MYO1E: variants seen among roughly 807,000 people sequenced by gnomAD.
MYO1E encodes the protein myosin IE.
MYO1E carries 68 observed loss-of-function variants against 151.1 expected under a neutral mutation model. That is an observed-to-expected ratio of 0.45 (90% CI 0.37 to 0.55). The LOEUF (loss-of-function observed/expected upper bound fraction) is 0.55, where lower values mean the gene tolerates loss of function less well. Ranked by LOEUF, MYO1E falls within the 20% of genes least tolerant of loss-of-function variation. The pLI is 0.00. For synonymous variants in MYO1E, 601 were observed against 501.7 expected, an observed-to-expected ratio of 1.20 and a Z score of -2.64; for missense variants, 1,363 against 1,389.3, an observed-to-expected ratio of 0.98 and a Z score of 0.30.
intron 26 of MYO1E, among the ~76,000 whole-genome samples, chr15:59,144,715 T>A (rs1247794766): frequency 6.6e-6 from 1 of 152,214 alleles, no homozygotes; most frequent in Non-Finnish European, 1.5e-5. Context: ...ACTGGAGACC[T>A]GGAAGCCACC....
intron 1 of MYO1E, among the ~76,000 whole-genome samples, chr15:59,306,022 A>G (rs1266540301): frequency 1.3e-5 from 2 of 152,330 alleles, no homozygotes; most frequent in South Asian, 4.1e-4. Context: ...AAATAAACAC[A>G]TGCCACAGTA....
At chr15:59,225,714 T>C in intron 7 of MYO1E, among the ~76,000 whole-genome samples, 1 of 151,264 alleles carries the variant, frequency 6.6e-6, no homozygotes, top group East Asian at 1.9e-4. Flanking sequence ...TGGTGCGATC[T>C]CCGCTCCCTG....
At chr15:59,292,918 G>A (rs1406531247) in intron 1 of MYO1E, among the ~76,000 whole-genome samples, 1 of 152,134 alleles carries the variant, frequency 6.6e-6, no homozygotes, top group Non-Finnish European at 1.5e-5. Context: ...TATCCCATAG[G>A]ATTTGAGGTG....
intron 2 of MYO1E, among the ~76,000 whole-genome samples, chr15:59,263,729 C>T (rs1161283152): frequency 6.6e-6 from 1 of 152,054 alleles, no homozygotes; most frequent in Non-Finnish European, 1.5e-5. Context: ...TTCAGCAGTG[C>T]CCAGTTCTGG....
At chr15:59,181,735 C>T (rs1294278615) in intron 18 of MYO1E, among the ~76,000 whole-genome samples, 2 of 152,300 alleles carry the variant, frequency 1.3e-5, no homozygotes, top group East Asian at 3.9e-4. Context: ...AGCCATGGCT[C>T]TGTTTAGGCC....
intron 6 of MYO1E, among the ~76,000 whole-genome samples, chr15:59,229,982 T>G (rs1478406922): frequency 6.6e-6 from 1 of 152,198 alleles, no homozygotes; most frequent in Non-Finnish European, 1.5e-5. Flanking sequence ...GCAGGAAGCT[T>G]ATGTAATTTA....
At chr15:59,163,012 T>C (rs1192492669) in intron 23 of MYO1E, 145 bp downstream of exon 23, 2 of 860,696 alleles carry the variant, frequency 2.3e-6, no homozygotes. Context: ...GACTGTCTTC[T>C]GCAGGCTCTA....
intron 9 of MYO1E, among the ~76,000 whole-genome samples, chr15:59,221,995 C>T (rs1445874414): frequency 1.3e-5 from 2 of 152,252 alleles, no homozygotes; most frequent in African/African-American, 2.4e-5. Context: ...AGTTTAGAAA[C>T]ATAGTTATCC....
chr15:59,348,327 T>C (rs1465287971), intron 1 of MYO1E, among the ~76,000 whole-genome samples: 4 of 152,306 alleles, frequency 2.6e-5, no homozygotes, highest in Admixed American at 2.6e-4. Flanking sequence ...ACCACAAAAC[T>C]TCCTAAGTTA....
At chr15:59,221,085 A>T (rs1320370481) in intron 9 of MYO1E, among the ~76,000 whole-genome samples, 1 of 148,120 alleles carries the variant, frequency 6.8e-6, no homozygotes, top group Non-Finnish European at 1.5e-5. Flanking sequence ...TGAGATGGAG[A>T]CTCGCTCGTT....
chr15:59,174,904 A>G (rs2079615827), intron 19 of MYO1E, among the ~76,000 whole-genome samples: 1 of 152,134 alleles, frequency 6.6e-6, no homozygotes, highest in East Asian at 1.9e-4. Context: ...ATCAGCCTCT[A>G]GCAGGTCTTG....
At chr15:59,148,167 G>T (rs1474242773) in intron 26 of MYO1E, among the ~76,000 whole-genome samples, 1 of 152,152 alleles carries the variant, frequency 6.6e-6, no homozygotes, top group Non-Finnish European at 1.5e-5. Flanking sequence ...CTATTATACA[G>T]GTGAAGACAC....
chr15:59,146,902 A>C (rs1455714902), intron 26 of MYO1E, among the ~76,000 whole-genome samples: 1 of 152,204 alleles, frequency 6.6e-6, no homozygotes, highest in Non-Finnish European at 1.5e-5. Context: ...ACATAAATGC[A>C]CGAAAAAGCT....
chr15:59,253,901 C>T (rs1418593105), intron 4 of MYO1E, among the ~76,000 whole-genome samples: 14 of 135,852 alleles, frequency 1.0e-4, no homozygotes, highest in Admixed American at 1.5e-4. Context: ...GACAAACAAC[C>T]TTTTTTTTTT....
Position 59,256,326 on chromosome 15 carries a change from C to T in MYO1E, c.290G>A (p.Arg97Lys). 1 of 1,613,182 alleles carries T rather than the reference C, an allele frequency of 6.2e-7. No individual in the cohort carries two copies. Among genetic ancestry groups the T allele is most frequent in the Admixed American group, 1.7e-5 (1 of 60,006 alleles). The change falls in exon 4 of 28, where the codon AGA becomes AAA. Residue 97 changes from arginine (R) to lysine (K), a missense_variant. Coordinates refer to ENST00000288235, the MANE Select transcript of MYO1E (RefSeq NM_004998.4). The part of the protein sequence containing the change: ...HIYALADNMY[R>K]NMIIDRENQC... The stretch of plus-strand genomic sequence containing the variant: ...GTTCTCTCTGTCAATGATCATGTTT[C>T]TGTACATATTATCTGCAAGGGCATA...
rs760542372 is a variant in MYO1E, at chr15:59,217,947, T to C, written c.1051A>G (p.Thr351Ala). 3 of 1,614,166 alleles carry C rather than the reference T, an allele frequency of 1.9e-6. No individual in the cohort carries two copies. Among genetic ancestry groups the C allele is most frequent in the Non-Finnish European group, 2.5e-6 (3 of 1,180,028 alleles). ...AGGGCCTTGGCGAGCGCATCCCGGG[T>C]GTAACAGGCCTGCTCTACGTTGAGG... ...VTLNVEQACY[T>A]RDALAKALHA... Residue 351 changes from threonine to alanine, a missense_variant, in exon 10 of 28, where the codon ACC becomes GCC. By Grantham distance (58) the Thr-to-Ala change is moderately conservative. Coordinates refer to ENST00000288235, the MANE Select transcript of MYO1E (RefSeq NM_004998.4).
In MYO1E at chr15:59,223,247, C is replaced by G. The variant is rs2306780; in HGVS notation, c.778-56G>C. ...AGCTGGTCACCAGCTTTAAAAGCACCTTAGGAAGAAGCCAAGGCACAGCAG... is the reference window on the plus strand; with the variant it reads ...AGCTGGTCACCAGCTTTAAAAGCACGTTAGGAAGAAGCCAAGGCACAGCAG... On this transcript the variant is annotated intron_variant, in intron 8 of 27. Transcript: ENST00000288235. 589,644 of 1,610,744 alleles carry G rather than the reference C, an allele frequency of 0.37. 115,883 individuals carry two copies. The highest frequency in any genetic ancestry group is 0.71 in the East Asian group (31,666 of 44,822).
At chr15:59,213,136 TTTATTATTATTATTA>T (rs147109664) in intron 12 of MYO1E, among the ~76,000 whole-genome samples, 2,227 of 139,354 alleles carry the variant, frequency 0.016, 20 homozygotes, top group South Asian at 0.021. Flanking sequence ...GAACTATTTA[TTTATTATTATTATTA>T]TTATTATTAT....
chr15:59,282,986 G>A (rs1242129798), intron 1 of MYO1E, among the ~76,000 whole-genome samples: 6 of 103,180 alleles, frequency 5.8e-5, no homozygotes, highest in Admixed American at 1.0e-4. Context: ...GGGGAAAGGG[G>A]AAAGGGGAAA....
Sources: gnomAD v4.1 joint callset for allele counts (sites outside exome capture counted in the v4.1 genomes callset) on GRCh38, gnomAD v4.1.1 for gene constraint, MANE v1.5 for transcripts, NCBI Gene and HGNC (gene_info 2026-07-23, HGNC 2026-07-21) for gene names.